Variants in S100Z observed in about 807,000 individuals in gnomAD.
S100Z encodes S100 calcium binding protein Z.
S100Z carries 11 observed loss-of-function variants against 8.5 expected under a neutral mutation model. The observed-to-expected ratio is 1.30, with a 90% CI of 0.82 to 2.15. The LOEUF is 2.15. Among genes scored for constraint, S100Z ranks in the 30% most tolerant of loss-of-function variants. The probability of loss-of-function intolerance (pLI) is 0.00; values close to 1 mark genes in which losing one functional copy is unlikely to be tolerated. For missense variants in S100Z, 126 were observed against 117.9 expected, an observed-to-expected ratio of 1.07 and a Z score of -0.32; for synonymous variants, 34 against 43.8, an observed-to-expected ratio of 0.78 and a Z score of 0.89.
Position 76,907,194 on chromosome 5 carries a change from C to T in S100Z, c.*3-13523C>T, listed in dbSNP as rs1580057096. ...TATCTTTGCACCTTTTCTGAATATC[C>T]ATTGAGCATATATGTGTGCGTCTAT... On this transcript the variant is annotated intron_variant, in intron 4 of 4. Transcript: ENST00000317593. Among the ~76,000 whole-genome samples, 3 of 151,648 alleles carry T rather than the reference C, an allele frequency of 2.0e-5. No homozygotes were observed. The East Asian group carries it at 5.8e-4, about 29-fold the overall frequency.
intron 4 of S100Z, among the ~76,000 whole-genome samples, chr5:76,911,009 A>G (rs1744635899): frequency 6.6e-6 from 1 of 152,200 alleles, no homozygotes; most frequent in African/African-American, 2.4e-5. Context: ...TATTGTCTAC[A>G]TGAATATGAG....
chr5:76,948,359 C>T, the S100Z span, among the ~76,000 whole-genome samples: 1 of 86,888 alleles, frequency 1.2e-5, no homozygotes, highest in East Asian at 3.9e-4. Context: ...ATGCCTTCTG[C>T]ACAGCAAAGG....
At chr5:76,939,982 AC>A in the S100Z span, among the ~76,000 whole-genome samples, 1 of 150,552 alleles carries the variant, frequency 6.6e-6, no homozygotes, top group African/African-American at 2.4e-5. Context: ...ACATGGTGAA[AC>A]CCATCTCTAC....
intron 4 of S100Z, among the ~76,000 whole-genome samples, chr5:76,901,295 C>T (rs536628491): frequency 6.6e-6 from 1 of 152,236 alleles, no homozygotes; most frequent in Non-Finnish European, 1.5e-5. Flanking sequence ...CCAGCCAGGC[C>T]TGTGTCCTTC....
Position 76,887,418 on chromosome 5 carries a change from T to C in S100Z, c.*2+9584T>C, listed in dbSNP as rs185817959. On this transcript the variant is annotated intron_variant, in intron 4 of 4. Transcript: ENST00000317593. ...GGCTTTTTTTTTTTTTTTTTTTTTCTGAGATGAGGTCTCGCTCTGTGCCCA... is the reference window on the plus strand; with the variant it reads ...GGCTTTTTTTTTTTTTTTTTTTTTCCGAGATGAGGTCTCGCTCTGTGCCCA... Among the ~76,000 whole-genome samples, 84 of 103,272 alleles carry C rather than the reference T, an allele frequency of 8.1e-4. 3 individuals are homozygous for C. In the East Asian group the frequency reaches 0.021, roughly 26 times the overall value. 67.8% of individuals were successfully genotyped at this position (103,272 alleles called of 152,430 possible). A position where few individuals can be genotyped will look rare whatever the true frequency, so the allele number is the denominator to read the frequency against.
intron 4 of S100Z, among the ~76,000 whole-genome samples, chr5:76,881,942 G>C (rs1349925247): frequency 1.3e-5 from 2 of 152,150 alleles, no homozygotes; most frequent in African/African-American, 4.8e-5. Flanking sequence ...TTATTAAAGA[G>C]GCATTAATGA....
At chr5:76,884,764 A>G (rs1489826187) in intron 4 of S100Z, among the ~76,000 whole-genome samples, 1 of 152,128 alleles carries the variant, frequency 6.6e-6, no homozygotes, top group African/African-American at 2.4e-5. Context: ...TAGGGTGCGG[A>G]AGCAGAGGCT....
chr5:76,861,805 G>A (rs1751063688), intron 1 of S100Z, among the ~76,000 whole-genome samples: 1 of 152,176 alleles, frequency 6.6e-6, no homozygotes, highest in African/African-American at 2.4e-5. Flanking sequence ...AAATAAATAA[G>A]CATTCATGTT....
chr5:76,932,290 C>G, the S100Z span, among the ~76,000 whole-genome samples: 14 of 152,186 alleles, frequency 9.2e-5, no homozygotes, highest in African/African-American at 3.4e-4. Flanking sequence ...TTTTGCAGAG[C>G]TTTCTCCTAG....
intron 1 of S100Z, among the ~76,000 whole-genome samples, chr5:76,865,527 G>T (rs559520192): frequency 6.6e-6 from 1 of 150,886 alleles, no homozygotes. Flanking sequence ...GATTACAGGC[G>T]TGAGCCACTG....
the S100Z span, among the ~76,000 whole-genome samples, chr5:76,930,259 T>A: frequency 6.6e-6 from 1 of 152,232 alleles, no homozygotes; most frequent in African/African-American, 2.4e-5. Flanking sequence ...TGACAGCATC[T>A]CCAGAGAAAT....
At chr5:76,914,012 C>G (rs188852689) in intron 4 of S100Z, among the ~76,000 whole-genome samples, 3 of 152,064 alleles carry the variant, frequency 2.0e-5, no homozygotes, top group African/African-American at 7.2e-5. Flanking sequence ...AATTTGTTTC[C>G]TCTGGAATCA....
intron 4 of S100Z, among the ~76,000 whole-genome samples, chr5:76,907,289 A>C (rs768890999): frequency 2.6e-5 from 4 of 151,636 alleles, no homozygotes; most frequent in Admixed American, 2.6e-4. Context: ...AGTCTTGATG[A>C]CTATTGCTTT....
the S100Z span, among the ~76,000 whole-genome samples, chr5:76,932,680 T>C: frequency 6.6e-6 from 1 of 151,918 alleles, no homozygotes; most frequent in Non-Finnish European, 1.5e-5. Flanking sequence ...AAACTCCAGT[T>C]AGGGAGATGT....
At chr5:76,926,916 T>G in the S100Z span, among the ~76,000 whole-genome samples, 1 of 152,222 alleles carries the variant, frequency 6.6e-6, no homozygotes, top group African/African-American at 2.4e-5. Context: ...CCCAGCTTCC[T>G]GTCTTCAATT....
At chr5:76,887,731 G>T (rs1743697781) in intron 4 of S100Z, among the ~76,000 whole-genome samples, 1 of 152,146 alleles carries the variant, frequency 6.6e-6, no homozygotes, top group Non-Finnish European at 1.5e-5. Context: ...GGTAGAAGTT[G>T]CTCAATAAAT....
intron 1 of S100Z, among the ~76,000 whole-genome samples, chr5:76,867,718 A>C (rs980850814): frequency 6.6e-6 from 1 of 151,042 alleles, no homozygotes; most frequent in Admixed American, 6.6e-5. Flanking sequence ...AGTAGCTGGG[A>C]TTACAGGCAT....
chr5:76,863,739 C>T lies in S100Z; in HGVS notation c.-175-6427C>T, dbSNP rs55783102. Among the ~76,000 whole-genome samples the T allele has an allele frequency of 6.3e-3, 959 of 152,036 alleles. 11 individuals are homozygous for T. The highest frequency in any genetic ancestry group is 0.029 in the East Asian group (147 of 5,146). ...ATTTTTAGTAGAGACGGGGTTTCAC[C>T]GTGTTAGCCAGGATGGTCTCGATCT... On this transcript the variant is annotated intron_variant, in intron 1 of 4. Coordinates refer to ENST00000317593, the MANE Select transcript of S100Z (RefSeq NM_130772.4).
chr5:76,914,401 T>TCAGCACTCTGTAAAAAC, intron 4 of S100Z, among the ~76,000 whole-genome samples: 1 of 19,958 alleles, frequency 5.0e-5, no homozygotes, highest in South Asian at 5.2e-4. Context: ...CTCTGTAAAA[T>TCAGCACTCTGTAAAAAC]GGACCAATCA....
Sources: gnomAD v4.1 joint callset for allele counts (sites outside exome capture counted in the v4.1 genomes callset) on GRCh38, gnomAD v4.1.1 for gene constraint, MANE v1.5 for transcripts, NCBI Gene and HGNC (gene_info 2026-07-23, HGNC 2026-07-21) for gene names.